Variants in FTO observed in about 807,000 individuals in gnomAD.
FTO encodes FTO alpha-ketoglutarate dependent dioxygenase.
Under a neutral mutation model 63.9 loss-of-function variants are expected in FTO, and 47 were observed. The observed-to-expected ratio is 0.74, with a 90% CI of 0.58 to 0.94. FTO has a LOEUF of 0.94. Among genes scored for constraint, FTO ranks in the 40% least tolerant of loss-of-function variants. The pLI, the probability that FTO is intolerant of heterozygous loss-of-function variation, is 0.00. For missense variants in FTO, 562 were observed against 618.1 expected, an observed-to-expected ratio of 0.91 and a Z score of 0.96; for synonymous variants, 207 against 224.4, an observed-to-expected ratio of 0.92 and a Z score of 0.69.
intron 4 of FTO, among the ~76,000 whole-genome samples, chr16:53,847,317 G>A (rs1428117941): frequency 6.6e-6 from 1 of 152,160 alleles, no homozygotes; most frequent in Non-Finnish European, 1.5e-5. Context: ...CGCTGCTCAG[G>A]GTTCCTGTGC....
intron 1 of FTO, among the ~76,000 whole-genome samples, chr16:53,709,383 T>G (rs1267174929): frequency 3.3e-5 from 5 of 152,228 alleles, no homozygotes; most frequent in Non-Finnish European, 5.9e-5. Flanking sequence ...TTTGATGGTT[T>G]GAGTTAGAAC....
At chr16:54,106,350 A>G (rs1451527100) in intron 8 of FTO, among the ~76,000 whole-genome samples, 4 of 151,646 alleles carry the variant, frequency 2.6e-5, no homozygotes, top group Non-Finnish European at 2.9e-5. Flanking sequence ...ATTCAGGGAG[A>G]ACCACTCCTA....
intron 1 of FTO, among the ~76,000 whole-genome samples, chr16:53,729,508 G>GA (rs58614245): frequency 0.52 from 78,415 of 149,448 alleles, 21,407 homozygotes; most frequent in African/African-American, 0.58. Context: ...GTATCGGGGG[G>GA]AAAAAAAAAG....
chr16:54,041,779 A>G (rs1157616412), intron 8 of FTO, among the ~76,000 whole-genome samples: 1 of 152,188 alleles, frequency 6.6e-6, no homozygotes, highest in Admixed American at 6.5e-5. Flanking sequence ...CAGGCATTGC[A>G]TAGTAAAGAA....
chr16:53,999,861 T>C (rs2084028309), intron 8 of FTO: 1 of 152,222 alleles, frequency 6.6e-6, no homozygotes, highest in African/African-American at 2.4e-5. Context: ...AGTTGGTTCT[T>C]CGCCACTCTG....
At chr16:53,861,560 A>G (rs2080174109) in intron 4 of FTO, among the ~76,000 whole-genome samples, 1 of 151,868 alleles carries the variant, frequency 6.6e-6, no homozygotes, top group Non-Finnish European at 1.5e-5. Context: ...CTTTAACTTT[A>G]TTGCTTTAAC....
chr16:54,059,354 A>G (rs1211826267), intron 8 of FTO, among the ~76,000 whole-genome samples: 1 of 152,206 alleles, frequency 6.6e-6, no homozygotes, highest in African/African-American at 2.4e-5. Context: ...TCACCTAGTC[A>G]TCTCTTTGCA....
chr16:53,980,115 C>A (rs1355729729), intron 8 of FTO, among the ~76,000 whole-genome samples: 2 of 152,122 alleles, frequency 1.3e-5, no homozygotes, highest in Non-Finnish European at 2.9e-5. Context: ...TAGAACTAGT[C>A]CCACCCTTAA....
chr16:54,073,142 C>T (rs1324878590), intron 8 of FTO, among the ~76,000 whole-genome samples: 1 of 152,132 alleles, frequency 6.6e-6, no homozygotes, highest in East Asian at 1.9e-4. Flanking sequence ...TCCTCTCCTA[C>T]GTGTCCTGTT....
intron 8 of FTO, among the ~76,000 whole-genome samples, chr16:53,943,157 C>G (rs535416458): frequency 6.6e-6 from 1 of 152,204 alleles, no homozygotes; most frequent in South Asian, 2.1e-4. Context: ...AAAACCTCCT[C>G]AAAAATGTGT....
chr16:53,814,228 C>T (rs948208880), intron 2 of FTO, among the ~76,000 whole-genome samples: 1 of 152,172 alleles, frequency 6.6e-6, no homozygotes, highest in Non-Finnish European at 1.5e-5. Flanking sequence ...GAGAGAACTT[C>T]TGTTAGCTCA....
chr16:54,054,042 C>A (rs1210653891), intron 8 of FTO, among the ~76,000 whole-genome samples: 1 of 151,874 alleles, frequency 6.6e-6, no homozygotes, highest in Non-Finnish European at 1.5e-5. Flanking sequence ...ACACTTTCTG[C>A]AGTTTAGTTA....
chr16:53,735,306 G>C (rs150257596), intron 1 of FTO, among the ~76,000 whole-genome samples: 4,057 of 152,294 alleles, frequency 0.027, 75 homozygotes, highest in Middle Eastern at 0.044. Flanking sequence ...AGACACAGGA[G>C]ATACTGCAGT....
At chr16:53,993,432 C>T (rs2083859742) in intron 8 of FTO, 1 of 152,050 alleles carries the variant, frequency 6.6e-6, no homozygotes, top group East Asian at 1.9e-4. Flanking sequence ...TAGTCTTTGG[C>T]AATAAAATCT....
At chr16:53,704,454 T>C (rs568587313) in intron 1 of FTO, among the ~76,000 whole-genome samples, 1 of 152,356 alleles carries the variant, frequency 6.6e-6, no homozygotes, top group African/African-American at 2.4e-5. Context: ...AGAAGCAAGA[T>C]ACCCATTTCC....
intron 8 of FTO, among the ~76,000 whole-genome samples, chr16:53,950,071 CA>C (rs1457695167): frequency 2.4e-5 from 2 of 82,010 alleles, no homozygotes; most frequent in East Asian, 5.4e-4. Context: ...TTTATTTAAA[CA>C]TTTTTTTTTT....
At chr16:53,840,579 A>G (rs922151493) in intron 3 of FTO, among the ~76,000 whole-genome samples, 5 of 152,174 alleles carry the variant, frequency 3.3e-5, no homozygotes, top group Non-Finnish European at 1.5e-5. Flanking sequence ...TATCTACTCA[A>G]CCTTGCTGTC....
chr16:53,756,029 C>T (rs767612727), intron 1 of FTO, among the ~76,000 whole-genome samples: 5 of 152,152 alleles, frequency 3.3e-5, no homozygotes, highest in Non-Finnish European at 7.4e-5. Context: ...ACGCCAAACC[C>T]TTGGATTGCC....
At chr16:53,926,556 G>T (rs1424817569) in intron 7 of FTO, among the ~76,000 whole-genome samples, 1 of 152,226 alleles carries the variant, frequency 6.6e-6, no homozygotes, top group Non-Finnish European at 1.5e-5. Flanking sequence ...AAGTGCAATG[G>T]AGTACGACAT....
Sources: allele counts gnomAD v4.1 joint callset (sites outside exome capture counted in the v4.1 genomes callset), GRCh38; gene constraint gnomAD v4.1.1; transcripts MANE v1.5; gene names NCBI Gene and HGNC (gene_info 2026-07-23, HGNC 2026-07-21).